The following ZNF484 variants were observed in gnomAD, a reference collection of about 807,000 sequenced individuals.
The protein encoded by ZNF484 is zinc finger protein 484.
ZNF484 carries 11 observed loss-of-function variants against 12.9 expected under a neutral mutation model. That is an observed-to-expected ratio of 0.85 (90% CI 0.54 to 1.41). The LOEUF is 1.41. Among genes scored for constraint, ZNF484 ranks in the 40% most tolerant of loss-of-function variants. The pLI is 0.00. For missense variants in ZNF484, 807 were observed against 1,007.7 expected, an observed-to-expected ratio of 0.80 and a Z score of 2.70; for synonymous variants, 289 against 334.1, an observed-to-expected ratio of 0.86 and a Z score of 1.47.
chr9:92,850,522 T>G (rs1220012932), intron 4 of ZNF484, among the ~76,000 whole-genome samples: 3 of 152,220 alleles, frequency 2.0e-5, no homozygotes, highest in Non-Finnish European at 2.9e-5. Context: ...TTGTTATATT[T>G]ATATAGCCTC....
rs781683620 is a variant in ZNF484, at chr9:92,875,077, T to C, written c.-30-18A>G. 1.2e-6 allele frequency: 2 copies of C among 1,613,220 alleles called. No homozygotes were observed. Among genetic ancestry groups the C allele is most frequent in the South Asian group, 1.1e-5 (1 of 90,924 alleles). On this transcript the variant is annotated intron_variant, in intron 1 of 4. Transcript: ENST00000375495. ...GCAGAAATCTGAGAAAACAGATGGG[T>C]AGAGGTACCCATGAGAGAAGGAACT...
intron 4 of ZNF484, among the ~76,000 whole-genome samples, chr9:92,854,611 G>A (rs1363524776): frequency 3.3e-5 from 5 of 152,124 alleles, no homozygotes; most frequent in Admixed American, 1.3e-4. Flanking sequence ...CAGCTACCGG[G>A]GAGGCTGAGG....
At position 92,855,332 on chromosome 9, in the gene ZNF484, A is replaced by G. The variant is rs1012105783; in HGVS notation, c.235+479T>C. Among the ~76,000 whole-genome samples, 3 of 152,298 alleles carry G rather than the reference A, an allele frequency of 2.0e-5. No homozygotes were observed. The South Asian group carries it at 6.2e-4, about 32-fold the overall frequency. The stretch of plus-strand genomic sequence containing the variant: ...GGGGACTTCAGACAAGCCCATCTCT[A>G]GATGACAATTGTGAGGCACTAAGGG... On this transcript the variant is annotated intron_variant, in intron 4 of 4. Transcript: ENST00000375495.
rs1855794678 is a variant in ZNF484 at position 92,848,020 on chromosome 9, T to C, written c.767A>G (p.Tyr256Cys). 1 of 1,614,108 alleles carries C rather than the reference T, an allele frequency of 6.2e-7. No individual in the cohort carries two copies. The highest frequency in any genetic ancestry group is 8.5e-7 in the Non-Finnish European group (1 of 1,180,046). The part of the protein sequence containing the change: ...TRESLYLFSD[Y>C]VNVFSPKSHA... ...TGACTTCGGGGAGAAAACATTTACG[T>C]AGTCAGAAAACAAATAGAGGCTCTC... The change falls in exon 5 of 5, where the codon TAC (tyrosine) becomes TGC (cysteine). Residue 256 changes from tyrosine (Y) to cysteine (C), a missense_variant. Physicochemically the swap from Tyr to Cys is radical, Grantham distance 194. Transcript: ENST00000375495. The surrounding 1 kb of genome is among the most constrained non-coding windows in gnomAD (Gnocchi z 4.1).
At chr9:92,857,556 C>T (rs1856535913) in intron 2 of ZNF484, among the ~76,000 whole-genome samples, 1 of 152,154 alleles carries the variant, frequency 6.6e-6, no homozygotes, top group South Asian at 2.1e-4. Context: ...AGTTGGGCAT[C>T]TATCAGGAAG....
chr9:92,846,534 A>G lies in ZNF484; in HGVS notation c.2253T>C (p.Ser751=). The part of the protein sequence containing the change: ...IHTGEKPYEC[S]DCGKSFIKKS... ...TCTTAATGAAAGACTTGCCACAGTC[A>G]CTGCATTCATAGGGTTTCTCTCCAG... Residue 751 remains serine, a synonymous_variant, in exon 5 of 5, where the codon AGT becomes AGC. Coordinates refer to ENST00000375495, the MANE Select transcript of ZNF484 (RefSeq NM_031486.4). 6.2e-7 allele frequency: 1 copy of G among 1,614,084 alleles called. No homozygotes were observed. The highest frequency in any genetic ancestry group is 8.5e-7 in the Non-Finnish European group (1 of 1,180,004).
intron 4 of ZNF484, among the ~76,000 whole-genome samples, chr9:92,850,331 T>G (rs192784210): frequency 3.9e-5 from 6 of 152,336 alleles, no homozygotes; most frequent in African/African-American, 1.4e-4. Context: ...TGATAAACTC[T>G]GTGAAAAGAA....
chr9:92,844,931 C>T lies in ZNF484; in HGVS notation c.*1297G>A, dbSNP rs2131578889. The T allele has an allele frequency of 6.6e-6, 1 of 152,136 alleles. No homozygotes were observed. The highest frequency in any genetic ancestry group is 2.1e-4 in the South Asian group (1 of 4,822). The allele number at this position is 152,136 out of a possible 1,614,324, so 9.4% of individuals were successfully genotyped here. ...TCAAATAATGATTGGCTATGTTCAC[C>T]ATGTACAGAATCCAAATATACAAAA... On this transcript the variant is annotated 3_prime_UTR_variant, in exon 5 of 5. Transcript: ENST00000375495.
At chr9:92,867,742 C>G (rs1434702291) in intron 2 of ZNF484, among the ~76,000 whole-genome samples, 1 of 152,162 alleles carries the variant, frequency 6.6e-6, no homozygotes, top group Non-Finnish European at 1.5e-5. Flanking sequence ...TAACCTGAAA[C>G]TTTCCATGAT....
intron 2 of ZNF484, among the ~76,000 whole-genome samples, chr9:92,859,095 C>G (rs1198432073): frequency 6.6e-6 from 1 of 151,950 alleles, no homozygotes; most frequent in African/African-American, 2.4e-5. Flanking sequence ...CACTGCACAC[C>G]AGCCTGGGCA....
At chr9:92,866,856 C>G (rs772333208) in intron 2 of ZNF484, among the ~76,000 whole-genome samples, 1 of 152,160 alleles carries the variant, frequency 6.6e-6, no homozygotes, top group Non-Finnish European at 1.5e-5. Flanking sequence ...ATGGATGAAG[C>G]TGGAAACCAT....
At chr9:92,873,297 T>C (rs151319352) in intron 2 of ZNF484, among the ~76,000 whole-genome samples, 1 of 152,322 alleles carries the variant, frequency 6.6e-6, no homozygotes, top group East Asian at 1.9e-4. Flanking sequence ...CTCCCAGAAC[T>C]GTGAGAAAAT....
At position 92,847,956 on chromosome 9, in the gene ZNF484, C is replaced by G; in HGVS notation, c.831G>C (p.Lys277Asn). 1 of 1,614,218 alleles carries G rather than the reference C, an allele frequency of 6.2e-7. No individual in the cohort carries two copies. The highest frequency in any genetic ancestry group is 8.5e-7 in the Non-Finnish European group (1 of 1,180,044). ...FAHESICAEE[K>N]QHECHECEAV... Reference sequence around the variant, plus strand: ...CCTCACATTCATGGCATTCATGCTGCTTTTCTTCAGCACAAATACTCTCAT... The same window carrying G: ...CCTCACATTCATGGCATTCATGCTGGTTTTCTTCAGCACAAATACTCTCAT... Residue 277 changes from lysine (K) to asparagine (N), a missense_variant, in exon 5 of 5, where the codon AAG becomes AAC. Coordinates refer to ENST00000375495, the MANE Select transcript of ZNF484 (RefSeq NM_031486.4).
At chr9:92,862,882 G>C (rs150178499) in intron 2 of ZNF484, among the ~76,000 whole-genome samples, 81 of 152,240 alleles carry the variant, frequency 5.3e-4, no homozygotes, top group Middle Eastern at 3.4e-3. Context: ...TTTAGAAGTG[G>C]AAATACCATT....
chr9:92,847,317 A>T lies in ZNF484; in HGVS notation c.1470T>A (p.His490Gln), dbSNP rs773927606. 4.3e-6 allele frequency: 7 copies of T among 1,613,708 alleles called. No individual in the cohort carries two copies. The South Asian group carries it at 7.7e-5, about 18-fold the overall frequency. ...TACATATATAGGGTCTTTCTCCTGTATGAATTTTCTGGTGTATAATGAGAT... is the reference window on the plus strand; with the variant it reads ...TACATATATAGGGTCTTTCTCCTGTTTGAATTTTCTGGTGTATAATGAGAT... ...KTNLIIHQKI[H>Q]TGERPYICTV... Residue 490 changes from histidine to glutamine, a missense_variant, in exon 5 of 5, where the codon CAT becomes CAA. By Grantham distance (24) the His-to-Gln change is conservative (BLOSUM62 0). Transcript: ENST00000375495.
At position 92,877,918 on chromosome 9, in the gene ZNF484, A is replaced by T. The variant is rs1379245494; in HGVS notation, c.-59T>A. ...CCCCTCACCCACGTCCTCTCAGGAC[A>T]GTGGTCATTTGCCTCGGGAGGTGAC... On this transcript the variant is annotated 5_prime_UTR_variant, in exon 1 of 5. Coordinates refer to ENST00000375495, the MANE Select transcript of ZNF484 (RefSeq NM_031486.4). The T allele has an allele frequency of 2.6e-6, 4 of 1,522,830 alleles. No individual in the cohort carries two copies. The African/African-American group carries it at 4.1e-5, about 16-fold the overall frequency. 94.3% of individuals were successfully genotyped at this position (1,522,830 alleles called of 1,614,324 possible).
chr9:92,867,144 G>T (rs1040284453), intron 2 of ZNF484, among the ~76,000 whole-genome samples: 3 of 152,170 alleles, frequency 2.0e-5, no homozygotes, highest in Admixed American at 6.5e-5. Flanking sequence ...GAGGTCGGGA[G>T]TTCGAGACCA....
At position 92,848,949 on chromosome 9, in the gene ZNF484, AT is replaced by A. The variant is rs1321352738; in HGVS notation, c.236-399del. Among the ~76,000 whole-genome samples, 8 of 150,668 alleles carry A rather than the reference AT, an allele frequency of 5.3e-5. No individual in the cohort carries two copies. Among genetic ancestry groups the A allele is most frequent in the Non-Finnish European group, 8.9e-5 (6 of 67,756 alleles). The stretch of plus-strand genomic sequence containing the variant: ...AATAAATAAATAAATAAATAAATAA[AT>A]AAATAAAAATACAATAGACCTTTGA... On this transcript the variant is annotated intron_variant, in intron 4 of 4. Coordinates refer to ENST00000375495, the MANE Select transcript of ZNF484 (RefSeq NM_031486.4). The surrounding 1 kb of genome is among the most constrained non-coding windows in gnomAD (Gnocchi z 4.1).
In ZNF484 at chr9:92,846,915, G is replaced by C. The variant is rs758876553; in HGVS notation, c.1872C>G (p.His624Gln). 1.2e-6 allele frequency: 2 copies of C among 1,613,064 alleles called. No homozygotes were observed. Among genetic ancestry groups the C allele is most frequent in the South Asian group, 1.1e-5 (1 of 91,014 alleles). Residue 624 changes from histidine (H) to glutamine (Q), a missense_variant, in exon 5 of 5, where the codon CAC becomes CAG. Coordinates refer to ENST00000375495, the MANE Select transcript of ZNF484 (RefSeq NM_031486.4). ...CTCCTGTGTGAATCTGCTGATGTAC[G>C]TGGAGCTGTGATTTCTTAGTGAAGG... ...GKSFTKKSQL[H>Q]VHQQIHTGEK...
Sources: allele counts gnomAD v4.1 joint callset (sites outside exome capture counted in the v4.1 genomes callset), GRCh38; gene constraint gnomAD v4.1.1; non-coding constraint Gnocchi (gnomAD v3.1); transcripts MANE v1.5; gene names NCBI Gene and HGNC (gene_info 2026-07-23, HGNC 2026-07-21).